Variants in ITPR2 observed in about 807,000 individuals in gnomAD.
The protein encoded by ITPR2 is inositol 1,4,5-trisphosphate-gated calcium channel ITPR2.
In ITPR2, 207 loss-of-function variants were observed where a neutral mutation model predicts 317.1. The ratio of observed to expected loss-of-function variants is 0.65; its 90% CI spans 0.58 to 0.73. The LOEUF is 0.73. ITPR2 is among the 30% of genes least tolerant of loss of function. ITPR2 has a pLI of 0.00. For missense variants in ITPR2, 2,613 were observed against 3,284.0 expected, an observed-to-expected ratio of 0.80 and a Z score of 4.99; for synonymous variants, 1,156 against 1,149.1, an observed-to-expected ratio of 1.01 and a Z score of -0.12.
At chr12:26,649,660 T>C (rs1338341947) in intron 21 of ITPR2, among the ~76,000 whole-genome samples, 1 of 152,286 alleles carries the variant, frequency 6.6e-6, no homozygotes, top group East Asian at 1.9e-4. Context: ...CCTCCAGAGA[T>C]TGCCCACCAA....
intron 37 of ITPR2, among the ~76,000 whole-genome samples, chr12:26,503,499 A>G (rs1943119814): frequency 1.3e-5 from 2 of 152,228 alleles, no homozygotes; most frequent in South Asian, 4.1e-4. Context: ...TACACACTTT[A>G]ATACATAAGA....
rs759574128 is a variant in ITPR2 at position 26,681,875 on chromosome 12, T to A, written c.1408A>T (p.Arg470Trp). 2 of 1,428,114 alleles carry A rather than the reference T, an allele frequency of 1.4e-6. No individual in the cohort carries two copies. The highest frequency in any genetic ancestry group is 1.9e-6 in the Non-Finnish European group (2 of 1,041,530). 88.5% of individuals were successfully genotyped at this position (1,428,114 alleles called of 1,614,324 possible). A position where few individuals can be genotyped will look rare whatever the true frequency, so the allele number is the denominator to read the frequency against. The part of the protein sequence containing the change: ...ENGTITQNER[R>W]FVTKLLEDLI... ...TTTAAGACCAATTTAAAGAGTTACC[T>A]CCTTTCATTCTGAGTTATTGTGCCG... Residue 470 changes from arginine (R) to tryptophan (W), a missense_variant and splice_region_variant, in exon 13 of 57, where the codon AGG becomes TGG. By Grantham distance (101) the Arg-to-Trp change is moderately radical. Transcript: ENST00000381340.
In ITPR2 at chr12:26,360,135, C is replaced by T. The variant is rs765658766; in HGVS notation, c.7858-19807G>A. Among the ~76,000 whole-genome samples the T allele has an allele frequency of 1.4e-4, 22 of 152,246 alleles. No individual in the cohort carries two copies. In the Middle Eastern group the frequency reaches 0.017, roughly 118 times the overall value. On this transcript the variant is annotated intron_variant, in intron 55 of 56. Transcript: ENST00000381340. ...GGTCAGGTTTCCTAAGGGGTGATGC[C>T]TACACAGTCAGAGCTGACCCATTTG...
intron 37 of ITPR2, among the ~76,000 whole-genome samples, chr12:26,530,697 G>A (rs1943922903): frequency 6.6e-6 from 1 of 152,136 alleles, no homozygotes. Flanking sequence ...CTATGGATGT[G>A]GTTGTGGGTA....
chr12:26,496,931 G>A (rs1489427561), intron 37 of ITPR2, among the ~76,000 whole-genome samples: 60 of 140,832 alleles, frequency 4.3e-4, no homozygotes, highest in African/African-American at 1.4e-3. Context: ...GCGACAGAGC[G>A]AGACTCCATC....
At chr12:26,654,213 T>C in intron 20 of ITPR2, 87 bp from the exon 21 acceptor site, 5 of 1,053,120 alleles carry the variant, frequency 4.7e-6, no homozygotes, top group Non-Finnish European at 6.8e-6. Flanking sequence ...GCTTTTTTAT[T>C]ATCTAAATTA....
chr12:26,366,379 G>A (rs924044992), intron 55 of ITPR2, among the ~76,000 whole-genome samples: 5 of 152,138 alleles, frequency 3.3e-5, no homozygotes, highest in Non-Finnish European at 7.4e-5. Context: ...ATAGTTATCT[G>A]TTTTCCAGAA....
intron 21 of ITPR2, among the ~76,000 whole-genome samples, chr12:26,646,525 T>A (rs1947117871): frequency 6.6e-6 from 1 of 152,128 alleles, no homozygotes; most frequent in African/African-American, 2.4e-5. Flanking sequence ...CTTACTTTGT[T>A]CCCCAAATCT....
chr12:26,630,747 T>G (rs1201394091), intron 22 of ITPR2: 3 of 152,194 alleles, frequency 2.0e-5, no homozygotes, highest in Non-Finnish European at 4.4e-5. Flanking sequence ...GTTTTTCTAA[T>G]GCTTTTTTTC....
Position 26,659,135 on chromosome 12 carries a change from G to A in ITPR2, c.1864C>T (p.Leu622Phe), listed in dbSNP as rs766111136. 1 of 1,613,196 alleles carries A rather than the reference G, an allele frequency of 6.2e-7. No individual in the cohort carries two copies. Among genetic ancestry groups the A allele is most frequent in the South Asian group, 1.1e-5 (1 of 90,960 alleles). ...AACCTTGGCTCCCGATTTCTCCTGA[G>A]TAAACTGACAAATGTTTCTATTTCT... ...AKEIETFVSL[L>F]RRNREPRFLD... is the part of the protein sequence containing the mutation. The change falls in exon 16 of 57, where the codon CTC (leucine) becomes TTC (phenylalanine). Residue 622 changes from leucine to phenylalanine, a missense_variant. Physicochemically the swap from Leu to Phe is conservative, Grantham distance 22. This residue lies in a region of ITPR2 where 515 missense variants were observed against 789.4 expected (regional missense o/e 0.65). Transcript: ENST00000381340.
At chr12:26,455,350 A>AAG (rs1941855780) in intron 45 of ITPR2, among the ~76,000 whole-genome samples, 1 of 147,584 alleles carries the variant, frequency 6.8e-6, no homozygotes, top group African/African-American at 2.5e-5. Context: ...CTGCTAAAAA[A>AAG]AAAAAAAAAA....
intron 22 of ITPR2, among the ~76,000 whole-genome samples, chr12:26,628,822 G>GA (rs1946682921): frequency 6.6e-6 from 1 of 152,034 alleles, no homozygotes; most frequent in Non-Finnish European, 1.5e-5. Context: ...GTCGAGTTGG[G>GA]AAAAAAATAT....
intron 41 of ITPR2, among the ~76,000 whole-genome samples, chr12:26,484,937 G>C (rs939038925): frequency 6.6e-6 from 1 of 152,058 alleles, no homozygotes; most frequent in Non-Finnish European, 1.5e-5. Flanking sequence ...GGATGGTCTC[G>C]ATCTCCTGGC....
At chr12:26,473,410 C>T (rs879886299) in intron 45 of ITPR2, among the ~76,000 whole-genome samples, 12 of 152,156 alleles carry the variant, frequency 7.9e-5, no homozygotes, top group African/African-American at 2.2e-4. Context: ...GTTCATTCCC[C>T]ACTCAACAGC....
chr12:26,557,915 C>T (rs1944707617), intron 35 of ITPR2, among the ~76,000 whole-genome samples: 2 of 152,062 alleles, frequency 1.3e-5, no homozygotes, highest in Admixed American at 6.6e-5. Flanking sequence ...ATAGCTATGG[C>T]ATATTTTTAT....
intron 55 of ITPR2, among the ~76,000 whole-genome samples, chr12:26,370,751 T>G (rs568483297): frequency 6.6e-6 from 1 of 152,202 alleles, no homozygotes. Context: ...CTTGGCTCAC[T>G]GCAACCTCTG....
At chr12:26,433,402 T>C (rs1941269663) in intron 48 of ITPR2, among the ~76,000 whole-genome samples, 1 of 152,164 alleles carries the variant, frequency 6.6e-6, no homozygotes, top group South Asian at 2.1e-4. Flanking sequence ...CTAACAAACT[T>C]ATACCTCCCA....
intron 45 of ITPR2, among the ~76,000 whole-genome samples, chr12:26,471,177 A>G (rs1942283248): frequency 6.6e-6 from 1 of 152,226 alleles, no homozygotes; most frequent in African/African-American, 2.4e-5. Flanking sequence ...ACATTTCTCC[A>G]TATGCTTCTT....
Position 26,561,787 on chromosome 12 carries a change from TA to T in ITPR2, c.4795del (p.Tyr1599ThrfsTer11). 6.3e-7 allele frequency: 1 copy of T among 1,580,240 alleles called. No homozygotes were observed. The highest frequency in any genetic ancestry group is 8.5e-7 in the Non-Finnish European group (1 of 1,171,098). On this transcript the variant is annotated frameshift_variant, in exon 35 of 57. Transcript: ENST00000381340. LOFTEE classifies it high-confidence loss of function. ...CTGTAACTTTTCAATAATATTTCTG[TA>T]ATCCCAAGCAGGCCCTCCAAGAGCT... ...KEALGGPAWD[Y>X]RNIIEKLQDV... is the part of the protein sequence containing the mutation.
Sources: gnomAD v4.1 joint callset for allele counts (sites outside exome capture counted in the v4.1 genomes callset) on GRCh38, gnomAD v4.1.1 for gene constraint, gnomAD v4.1.1 regional missense constraint, MANE v1.5 for transcripts, NCBI Gene and HGNC (gene_info 2026-07-23, HGNC 2026-07-21) for gene names.